APOL3: variants seen among roughly 807,000 people sequenced by gnomAD.
APOL3 encodes apolipoprotein L3.
A neutral mutation model predicts 11.6 loss-of-function variants in APOL3; 14 were observed. That is an observed-to-expected ratio of 1.21 (90% CI 0.80 to 1.89). The LOEUF is 1.89. APOL3 is among the 40% of genes most tolerant of loss of function. APOL3 has a pLI of 0.00. For synonymous variants in APOL3, 192 were observed against 190.6 expected, an observed-to-expected ratio of 1.01 and a Z score of -0.06; for missense variants, 483 against 492.1, an observed-to-expected ratio of 0.98 and a Z score of 0.17.
At chr22:36,143,973 C>T (rs973655529) in intron 2 of APOL3, among the ~76,000 whole-genome samples, 3 of 152,144 alleles carry the variant, frequency 2.0e-5, no homozygotes, top group Admixed American at 6.5e-5. Context: ...CTTCAAATTA[C>T]CCAGTTGGCA....
At chr22:36,150,266 A>T (rs2060384651) in intron 1 of APOL3, among the ~76,000 whole-genome samples, 1 of 152,204 alleles carries the variant, frequency 6.6e-6, no homozygotes, top group Admixed American at 6.5e-5. Flanking sequence ...TCCCTTCAAG[A>T]TCTGACTACA....
chr22:36,157,029 G>T, intron 1 of APOL3: 1 of 456,166 alleles, frequency 2.2e-6, no homozygotes, highest in Middle Eastern at 3.3e-4. Flanking sequence ...GAACAAATAA[G>T]ACCATGACTC....
chr22:36,145,791 C>T (rs552393214), intron 1 of APOL3, among the ~76,000 whole-genome samples, 192 bp from the exon 3 acceptor site: 8 of 152,094 alleles, frequency 5.3e-5, no homozygotes, highest in African/African-American at 1.9e-4. Context: ...ACCCCAGTAA[C>T]TATATTTGGA....
At position 36,158,106 on chromosome 22, in the gene APOL3, G is replaced by C. The variant is rs139720748; in HGVS notation, c.223+2563C>G. ...AAATGGGTAAAAGATAGGATCTGAAGAAATAGAAATTAACGTTAACCATAT... is the reference window on the plus strand; with the variant it reads ...AAATGGGTAAAAGATAGGATCTGAACAAATAGAAATTAACGTTAACCATAT... On this transcript the variant is annotated intron_variant, in intron 1 of 2. Transcript: ENST00000349314. 5.1e-4 allele frequency among the ~76,000 whole-genome samples: 77 copies of C among 152,194 alleles called. No individual in the cohort carries two copies. The East Asian group carries it at 0.011, about 21-fold the overall frequency.
chr22:36,145,172 A>C (rs1455690988), intron 2 of APOL3, among the ~76,000 whole-genome samples: 1 of 152,198 alleles, frequency 6.6e-6, no homozygotes, highest in Non-Finnish European at 1.5e-5. Flanking sequence ...TTCTCACAAT[A>C]AAGCTCAATG....
At chr22:36,147,266 A>G (rs1203940555) in intron 1 of APOL3, among the ~76,000 whole-genome samples, 1 of 152,172 alleles carries the variant, frequency 6.6e-6, no homozygotes, top group Non-Finnish European at 1.5e-5. Context: ...TCAGATGGGC[A>G]GTGGAGGGGG....
chr22:36,158,540 C>T (rs132650), intron 1 of APOL3, among the ~76,000 whole-genome samples: 94,546 of 152,048 alleles, frequency 0.62, 31,035 homozygotes, highest in East Asian at 0.95. Context: ...AAGGAATGCG[C>T]CTGGCACGGT....
At chr22:36,155,561 A>G (rs2012640913) in intron 1 of APOL3, among the ~76,000 whole-genome samples, 1 of 151,976 alleles carries the variant, frequency 6.6e-6, no homozygotes, top group Non-Finnish European at 1.5e-5. Context: ...GCTGTAAGGG[A>G]TAAGGGTGAT....
In APOL3 at chr22:36,148,593, G is replaced by A. The variant is rs571066381; in HGVS notation, c.224-2994C>T. Among the ~76,000 whole-genome samples, 8 of 152,320 alleles carry A rather than the reference G, an allele frequency of 5.3e-5. No homozygotes were observed. In the South Asian group the frequency reaches 1.7e-3, roughly 32 times the overall value. The stretch of plus-strand genomic sequence containing the variant: ...GGCCACTCAGAGCAGAGGGGCTGGT[G>A]CAGGGCAAGAGCTGGAGGGAGGGGA... On this transcript the variant is annotated intron_variant, in intron 1 of 2. Transcript: ENST00000349314.
intron 1 of APOL3, chr22:36,149,662 G>T: frequency 2.8e-6 from 1 of 359,766 alleles, no homozygotes; most frequent in South Asian, 2.1e-5. Context: ...AAGCAACCTT[G>T]CCATGTTTTC....
intron 1 of APOL3, chr22:36,155,972 C>T (rs902421623): frequency 7.2e-5 from 19 of 263,122 alleles, no homozygotes; most frequent in African/African-American, 4.4e-4. Flanking sequence ...GAGCCAAGCT[C>T]TCCAGATGCA....
At chr22:36,160,034 A>G (rs1388005547) in intron 1 of APOL3, among the ~76,000 whole-genome samples, 1 of 152,074 alleles carries the variant, frequency 6.6e-6, no homozygotes, top group African/African-American at 2.4e-5. Flanking sequence ...GGCTTGTGCC[A>G]CCACGCCCAG....
chr22:36,146,575 GTA>G (rs150874392), intron 1 of APOL3, among the ~76,000 whole-genome samples: 2 of 150,762 alleles, frequency 1.3e-5, no homozygotes. Context: ...ACATAAGGGT[GTA>G]TATATATATA....
At chr22:36,141,829 T>C in exon 3 of APOL3, 2 of 1,614,232 alleles carry the variant, frequency 1.2e-6, no homozygotes, top group Non-Finnish European at 1.7e-6. Context: ...GCAGCGCCAG[T>C]GGAGCTGGAC....
At chr22:36,164,755 G>A (rs1389632147), upstream of APOL3, 1 of 151,980 alleles carries the variant, frequency 6.6e-6, no homozygotes, top group Admixed American at 6.6e-5. Flanking sequence ...CACAACTTCG[G>A]GCAAAATCAT....
upstream of APOL3, among the ~76,000 whole-genome samples, chr22:36,162,704 G>T (rs748635207): frequency 6.6e-6 from 1 of 152,156 alleles, no homozygotes; most frequent in Non-Finnish European, 1.5e-5. Context: ...GCCTGCAATT[G>T]TTTGCTCACT....
At chr22:36,159,078 G>T (rs2013379834) in intron 1 of APOL3, among the ~76,000 whole-genome samples, 1 of 152,106 alleles carries the variant, frequency 6.6e-6, no homozygotes, top group Admixed American at 6.5e-5. Flanking sequence ...TGAGTTTATA[G>T]CAAATGTTCC....
At chr22:36,149,381 T>G in intron 1 of APOL3, 1 of 1,306,080 alleles carries the variant, frequency 7.7e-7, no homozygotes, top group Non-Finnish European at 1.0e-6. Flanking sequence ...CCTGTAGGGG[T>G]ATGAAGAGAA....
upstream of APOL3, chr22:36,165,884 CATT>C: frequency 6.6e-6 from 1 of 152,190 alleles, no homozygotes; most frequent in Non-Finnish European, 1.5e-5. Context: ...GTTAAATAGA[CATT>C]AGCAGCTAGG....
Sources: gnomAD v4.1 joint callset for allele counts (sites outside exome capture counted in the v4.1 genomes callset) on GRCh38, gnomAD v4.1.1 for gene constraint, MANE v1.5 for transcripts, NCBI Gene and HGNC (gene_info 2026-07-23, HGNC 2026-07-21) for gene names.